The following KIAA0586 variants were observed in gnomAD, a reference collection of about 807,000 sequenced individuals.
KIAA0586 encodes the protein KIAA0586.
In KIAA0586, 144 loss-of-function variants were observed where a neutral mutation model predicts 169.8. The ratio of observed to expected loss-of-function variants is 0.85; its 90% CI spans 0.74 to 0.97. The LOEUF (loss-of-function observed/expected upper bound fraction) is 0.97, where lower values mean the gene tolerates loss of function less well. Among genes scored for constraint, KIAA0586 ranks in the 50% least tolerant of loss-of-function variants. KIAA0586 has a pLI of 0.00. For missense variants in KIAA0586, 1,854 were observed against 1,823.0 expected, an observed-to-expected ratio of 1.02 and a Z score of -0.31; for synonymous variants, 625 against 612.4, an observed-to-expected ratio of 1.02 and a Z score of -0.30.
At chr14:58,490,467 T>G (rs2042766194) in intron 25 of KIAA0586, among the ~76,000 whole-genome samples, 1 of 152,276 alleles carries the variant, frequency 6.6e-6, no homozygotes, top group Non-Finnish European at 1.5e-5. Context: ...AGTAAAAAAA[T>G]ATACATTTAA....
At chr14:58,519,516 C>T (rs1051877480) in intron 29 of KIAA0586, among the ~76,000 whole-genome samples, 2 of 152,178 alleles carry the variant, frequency 1.3e-5, no homozygotes, top group African/African-American at 2.4e-5. Context: ...CAGCCCAGAT[C>T]GACTTGATTG....
At chr14:58,522,645 A>G (rs1468153071) in intron 29 of KIAA0586, among the ~76,000 whole-genome samples, 2 of 152,192 alleles carry the variant, frequency 1.3e-5, no homozygotes, top group Non-Finnish European at 2.9e-5. Context: ...TTAAACCAGG[A>G]AAAAAACAAA....
intron 30 of KIAA0586, 123 bp downstream of exon 30, chr14:58,540,259 T>C: frequency 1.7e-6 from 1 of 593,476 alleles, no homozygotes; most frequent in Non-Finnish European, 2.9e-6. Flanking sequence ...TTAATTCTTC[T>C]GTAATATCTG....
In KIAA0586 at chr14:58,490,313, G is replaced by T. The variant is rs987519270; in HGVS notation, c.3858+73G>T. On this transcript the variant is annotated intron_variant, in intron 25 of 30. Transcript: ENST00000652326. ...TGTATGAATTGGTTGCCACTGATCA[G>T]GTTTTTTCTCAATTTTTTGAGTTAT... The T allele has an allele frequency of 2.4e-5, 19 of 805,950 alleles. No homozygotes were observed. The African/African-American group carries it at 3.4e-4, about 15-fold the overall frequency. 49.9% of individuals were successfully genotyped at this position (805,950 alleles called of 1,614,324 possible). A position where few individuals can be genotyped will look rare whatever the true frequency, so the allele number is the denominator to read the frequency against.
intron 14 of KIAA0586, among the ~76,000 whole-genome samples, 167 bp downstream of exon 14, chr14:58,461,327 C>T (rs1338156870): frequency 6.6e-6 from 1 of 151,698 alleles, no homozygotes; most frequent in East Asian, 1.9e-4. Context: ...AGAAATAGAC[C>T]AACATTTTAA....
intron 20 of KIAA0586, among the ~76,000 whole-genome samples, chr14:58,478,764 C>G (rs1418592318): frequency 6.6e-6 from 1 of 152,210 alleles, no homozygotes; most frequent in African/African-American, 2.4e-5. Flanking sequence ...CCACTGGCCC[C>G]TAACAACACT....
intron 25 of KIAA0586, among the ~76,000 whole-genome samples, chr14:58,491,585 C>T (rs2042836027): frequency 6.6e-6 from 1 of 152,214 alleles, no homozygotes; most frequent in South Asian, 2.1e-4. Context: ...TATTTTGAGG[C>T]ATGAGGAAGC....
At chr14:58,484,924 A>ATATATATATATTT (rs1566877360) in intron 21 of KIAA0586, among the ~76,000 whole-genome samples, 2 of 13,054 alleles carry the variant, frequency 1.5e-4, no homozygotes, top group Non-Finnish European at 2.7e-4. Context: ...ATATATATAT[A>ATATATATATATTT]TTTTTTTTTT....
downstream of KIAA0586, among the ~76,000 whole-genome samples, chr14:58,552,285 G>A (rs552497433): frequency 6.6e-6 from 1 of 152,256 alleles, no homozygotes; most frequent in African/African-American, 2.4e-5. Context: ...AGAATGAGGG[G>A]TAGATTTTAA....
chr14:58,461,387 AT>A (rs1391085146), intron 14 of KIAA0586, among the ~76,000 whole-genome samples: 1 of 152,188 alleles, frequency 6.6e-6, no homozygotes, highest in African/African-American at 2.4e-5. Context: ...ATTAAATGGC[AT>A]CTTCAGATAA....
Position 58,472,189 on chromosome 14 carries a change from G to T in KIAA0586, c.2554-10G>T. The stretch of plus-strand genomic sequence containing the variant: ...AGCACAACAAAAACTTTCTGAAAAT[G>T]CTTTCTTAGACTCCAGAAATTATGA... On this transcript the variant is annotated splice_polypyrimidine_tract_variant and intron_variant, in intron 17 of 30. Coordinates refer to ENST00000652326, the MANE Select transcript of KIAA0586 (RefSeq NM_001329943.3). The T allele has an allele frequency of 6.6e-7, 1 of 1,507,804 alleles. No individual in the cohort carries two copies. The highest frequency in any genetic ancestry group is 8.9e-7 in the Non-Finnish European group (1 of 1,121,002). 93.4% of individuals were successfully genotyped at this position (1,507,804 alleles called of 1,614,324 possible).
Position 58,459,943 on chromosome 14 carries a change from C to T in KIAA0586, c.1757C>T (p.Thr586Ile). 1 of 1,532,372 alleles carries T rather than the reference C, an allele frequency of 6.5e-7. No homozygotes were observed. Among genetic ancestry groups the T allele is most frequent in the Non-Finnish European group, 8.7e-7 (1 of 1,143,948 alleles). The allele number at this position is 1,532,372 out of a possible 1,614,324, so 94.9% of individuals were successfully genotyped here. Residue 586 changes from threonine to isoleucine, a missense_variant, in exon 13 of 31, where the codon ACA (threonine) becomes ATA (isoleucine). By Grantham distance (89) the Thr-to-Ile change is moderately conservative (BLOSUM62 -1). Transcript: ENST00000652326. ...ATGACTAAAGATATTAGAACCAACA[C>T]ACAAGATAAAACTGTCAACAAATCT... ...QNMTKDIRTNTQDKTVNKSVI... is the reference protein window; with the variant it reads ...QNMTKDIRTNIQDKTVNKSVI...
At chr14:58,521,699 T>C in intron 29 of KIAA0586, 1 of 888,980 alleles carries the variant, frequency 1.1e-6, no homozygotes, top group Non-Finnish European at 1.9e-6. Flanking sequence ...AAAAGTGGAT[T>C]CTCTCTTAGA....
intron 27 of KIAA0586, among the ~76,000 whole-genome samples, chr14:58,504,576 A>G (rs1405328212): frequency 6.6e-6 from 1 of 152,226 alleles, no homozygotes; most frequent in Non-Finnish European, 1.5e-5. Context: ...AAAGTCTGCC[A>G]TGGTTGCTTT....
intron 29 of KIAA0586, among the ~76,000 whole-genome samples, chr14:58,532,118 G>A (rs185276582): frequency 6.6e-6 from 1 of 151,930 alleles, no homozygotes; most frequent in East Asian, 1.9e-4. Flanking sequence ...AACCACCATG[G>A]CATGTGTGTA....
chr14:58,500,083 C>A (rs1802541692), intron 27 of KIAA0586, among the ~76,000 whole-genome samples: 1 of 152,202 alleles, frequency 6.6e-6, no homozygotes, highest in Admixed American at 6.5e-5. Context: ...CAATCACTAG[C>A]ATATATAGTT....
intron 26 of KIAA0586, among the ~76,000 whole-genome samples, chr14:58,494,435 T>A (rs1368054601): frequency 6.6e-6 from 1 of 152,194 alleles, no homozygotes; most frequent in East Asian, 1.9e-4. Flanking sequence ...TTTTCTTTTT[T>A]AAACTTATTG....
At chr14:58,525,277 T>C (rs1022755074) in intron 29 of KIAA0586, among the ~76,000 whole-genome samples, 1 of 152,030 alleles carries the variant, frequency 6.6e-6, no homozygotes, top group Non-Finnish European at 1.5e-5. Context: ...GCAAGATGGC[T>C]GAACAGGAAC....
the KIAA0586 span, among the ~76,000 whole-genome samples, chr14:58,561,823 C>G: frequency 6.6e-6 from 1 of 151,228 alleles, no homozygotes; most frequent in Admixed American, 6.6e-5. Context: ...TTTTCTTTTT[C>G]TCTTAGAATG....
Sources: gnomAD v4.1 joint callset for allele counts (sites outside exome capture counted in the v4.1 genomes callset) on GRCh38, gnomAD v4.1.1 for gene constraint, MANE v1.5 for transcripts, NCBI Gene and HGNC (gene_info 2026-07-23, HGNC 2026-07-21) for gene names.